The following PABIR1 variants were observed in gnomAD, a reference collection of about 807,000 sequenced individuals.
The protein encoded by PABIR1 is PP2A Aalpha (PPP2R1A) and B55A (PPP2R2A) interacting phosphatase regulator 1.
In PABIR1, 2 loss-of-function variants were observed where a neutral mutation model predicts 14.6. That is an observed-to-expected ratio of 0.14 (90% CI 0.06 to 0.43). The LOEUF (loss-of-function observed/expected upper bound fraction) is 0.43. PABIR1 is among the 20% of genes least tolerant of loss of function. The probability of loss-of-function intolerance (pLI) is 0.99; values close to 1 mark genes in which losing one functional copy is unlikely to be tolerated. For synonymous variants in PABIR1, 163 were observed against 155.4 expected (o/e 1.05, Z -0.36); for missense variants, 294 against 379.0 (o/e 0.78, Z 1.86).
Position 68,780,969 on chromosome 9 carries a change from G to T in PABIR1, c.805G>T (p.Val269Leu), listed in dbSNP as rs771661173. 6.2e-7 allele frequency: 1 copy of T among 1,614,192 alleles called. No homozygotes were observed. Among genetic ancestry groups the T allele is most frequent in the South Asian group, 1.1e-5 (1 of 91,084 alleles). The change falls in exon 1 of 1, where the codon GTG (valine) becomes TTG (leucine). Residue 269 changes from valine (V) to leucine (L), a missense_variant. This residue lies in a region of PABIR1 where 95 missense variants were observed against 100.8 expected (regional missense o/e 0.94). Coordinates refer to ENST00000394264, the MANE Select transcript of PABIR1 (RefSeq NM_138333.5). ...AGTCAGCACTACCACCGACTCTCCT[G>T]TGTCACCTGCCCAAGCGGCTTCTCC... Reference protein sequence around the residue: ...AKVSTTTDSPVSPAQAASPFI... With the variant: ...AKVSTTTDSPLSPAQAASPFI...
At position 68,785,373 on chromosome 9, in the gene PABIR1, CT is replaced by C. The variant is rs1426390590; in HGVS notation, c.*4346del. On this transcript the variant is annotated 3_prime_UTR_variant, in exon 1 of 1. Coordinates refer to ENST00000394264, the MANE Select transcript of PABIR1 (RefSeq NM_138333.5). Reference sequence around the variant, plus strand: ...GCAGTTTTGCCCACATTTTTCATGGCTGTTAGAGAATCAGGGCTGAAGGCAA... The same window carrying C: ...GCAGTTTTGCCCACATTTTTCATGGCGTTAGAGAATCAGGGCTGAAGGCAA... Among the ~76,000 whole-genome samples, 1 of 152,142 alleles carries C rather than the reference CT, an allele frequency of 6.6e-6. No homozygotes were observed. Among genetic ancestry groups the C allele is most frequent in the Non-Finnish European group, 1.5e-5 (1 of 68,026 alleles).
rs1333818968 is a variant in PABIR1 at position 68,780,383 on chromosome 9, G to C, written c.219G>C (p.Leu73=). The C allele has an allele frequency of 6.2e-7, 1 of 1,613,584 alleles. No homozygotes were observed. ...TCCCGAGCCGCCACGGCCTGCTGCT[G>C]CCGGCCTCCCCTGTCCGCATGCACA... ...TTFPSRHGLL[L]PASPVRMHSS... is the part of the protein sequence containing the mutation. Residue 73 remains leucine, a synonymous_variant, in exon 1 of 1, where the codon CTG becomes CTC. Coordinates refer to ENST00000394264, the MANE Select transcript of PABIR1 (RefSeq NM_138333.5).
rs1587443645 is a variant in PABIR1 at position 68,784,355 on chromosome 9, T to C, written c.*3327T>C. On this transcript the variant is annotated 3_prime_UTR_variant, in exon 1 of 1. Coordinates refer to ENST00000394264, the MANE Select transcript of PABIR1 (RefSeq NM_138333.5). ...TTTGTCATACTTAATAAACCTCTGG[T>C]ATATTTTCCTTTATTATGCTTGTTA... 1 of 167,238 alleles carries C rather than the reference T, an allele frequency of 6.0e-6. No homozygotes were observed. The highest frequency in any genetic ancestry group is 1.9e-4 in the East Asian group (1 of 5,198). The allele number at this position is 167,238 out of a possible 1,614,324, so 10.4% of individuals were successfully genotyped here. A position where few individuals can be genotyped will look rare whatever the true frequency, so the allele number is the denominator to read the frequency against.
chr9:68,782,345 A>C lies in PABIR1; in HGVS notation c.*1317A>C, dbSNP rs1831337606. 6.0e-6 allele frequency: 1 copy of C among 167,094 alleles called. No homozygotes were observed. The highest frequency in any genetic ancestry group is 1.5e-5 in the Non-Finnish European group (1 of 68,128). 10.4% of individuals were successfully genotyped at this position (167,094 alleles called of 1,614,324 possible). A position where few individuals can be genotyped will look rare whatever the true frequency, so the allele number is the denominator to read the frequency against. On this transcript the variant is annotated 3_prime_UTR_variant, in exon 1 of 1. Coordinates refer to ENST00000394264, the MANE Select transcript of PABIR1 (RefSeq NM_138333.5). ...CATTATTTAACTTAGGTTTTCCTAA[A>C]GTTAGAATAGTCGAATGTTCTTTTC... is the stretch of plus-strand genomic sequence containing the variant.
chr9:68,780,245 C>G lies in PABIR1; in HGVS notation c.81C>G (p.Gly27=). The G allele has an allele frequency of 6.5e-7, 1 of 1,542,440 alleles. No homozygotes were observed. Among genetic ancestry groups the G allele is most frequent in the Non-Finnish European group, 8.7e-7 (1 of 1,150,404 alleles). Residue 27 remains glycine (G), a synonymous_variant, in exon 1 of 1, where the codon GGC becomes GGG. Coordinates refer to ENST00000394264, the MANE Select transcript of PABIR1 (RefSeq NM_138333.5). ...GCCCGGCGGAGGGCGGTGGCAGCGG[C>G]GGCGGCGGGGGCCTCAGGAGGTCTA... ...GGSPAEGGGS[G]GGGGLRRSNS...
In PABIR1 at chr9:68,780,432, C is replaced by G; in HGVS notation, c.268C>G (p.Gln90Glu). 1 of 1,614,144 alleles carries G rather than the reference C, an allele frequency of 6.2e-7. No individual in the cohort carries two copies. Among genetic ancestry groups the G allele is most frequent in the Middle Eastern group, 1.6e-4 (1 of 6,062 alleles). ...MHSSRLHQIK[Q>E]EEGMDLINRE... is the part of the protein sequence containing the mutation. ...CAGCAGCCGCTTGCACCAGATCAAA[C>G]AAGAAGAGGGCATGGACTTGATCAA... The change falls in exon 1 of 1, where the codon CAA becomes GAA. Residue 90 changes from glutamine to glutamate, a missense_variant. Physicochemically the swap from Gln to Glu is conservative, Grantham distance 29 (BLOSUM62 2). Around this residue, in one of 3 missense-constraint regions of PABIR1, gnomAD observed 103 missense variants for 175.9 expected, o/e 0.59. Coordinates refer to ENST00000394264, the MANE Select transcript of PABIR1 (RefSeq NM_138333.5).
In PABIR1 at chr9:68,780,730, G is replaced by C. The variant is rs956273290; in HGVS notation, c.566G>C (p.Ser189Thr). ...TTRFTTRRSQ[S>T]PINCIRPSVL... is the part of the protein sequence containing the mutation. ...CGATTTACCACCCGGAGAAGCCAGA[G>C]CCCCATCAATTGCATTAGACCAAGT... The change falls in exon 1 of 1, where the codon AGC (serine) becomes ACC (threonine). Residue 189 changes from serine to threonine, a missense_variant. By Grantham distance (58) the Ser-to-Thr change is moderately conservative. Coordinates refer to ENST00000394264, the MANE Select transcript of PABIR1 (RefSeq NM_138333.5). 3 of 1,614,102 alleles carry C rather than the reference G, an allele frequency of 1.9e-6. No homozygotes were observed. Among genetic ancestry groups the C allele is most frequent in the Non-Finnish European group, 2.5e-6 (3 of 1,180,046 alleles).
At position 68,782,119 on chromosome 9, in the gene PABIR1, C is replaced by T. The variant is rs928385386; in HGVS notation, c.*1091C>T. The stretch of plus-strand genomic sequence containing the variant: ...TTTCCTTGCCAACAGGTCCCTTCCT[C>T]TCCATCTCCCACCAAACTAGGGCAC... On this transcript the variant is annotated 3_prime_UTR_variant, in exon 1 of 1. Transcript: ENST00000394264. The T allele has an allele frequency of 1.8e-5, 3 of 167,084 alleles. No homozygotes were observed. The highest frequency in any genetic ancestry group is 4.4e-5 in the Non-Finnish European group (3 of 68,124). 10.4% of individuals were successfully genotyped at this position (167,084 alleles called of 1,614,324 possible).
In PABIR1 at chr9:68,780,699, A is replaced by G. The variant is rs1342105020; in HGVS notation, c.535A>G (p.Thr179Ala). 3 of 1,614,210 alleles carry G rather than the reference A, an allele frequency of 1.9e-6. No individual in the cohort carries two copies. The highest frequency in any genetic ancestry group is 2.2e-5 in the South Asian group (2 of 91,084). ...GLPPSPIPSP[T>A]TRFTTRRSQS... is the part of the protein sequence containing the mutation. The stretch of plus-strand genomic sequence containing the variant: ...GCCTCCAAGCCCTATTCCCAGCCCA[A>G]CGACCCGATTTACCACCCGGAGAAG... Residue 179 changes from threonine (T) to alanine (A), a missense_variant, in exon 1 of 1, where the codon ACG (threonine) becomes GCG (alanine). This residue lies in a region of PABIR1 where 103 missense variants were observed against 175.9 expected (regional missense o/e 0.59). Transcript: ENST00000394264.
rs145921667 is a variant in PABIR1 at position 68,780,598 on chromosome 9, C to T, written c.434C>T (p.Ala145Val). ...KRIDFIPVSP[A>V]PSPTRGIGKQ... ...ATCGATTTCATTCCTGTGTCACCAGCACCGTCACCCACTCGGGGAATTGGG... is the reference window on the plus strand; with the variant it reads ...ATCGATTTCATTCCTGTGTCACCAGTACCGTCACCCACTCGGGGAATTGGG... Residue 145 changes from alanine (A) to valine (V), a missense_variant, in exon 1 of 1, where the codon GCA (alanine) becomes GTA (valine). Around this residue, in one of 3 missense-constraint regions of PABIR1, gnomAD observed 103 missense variants for 175.9 expected, o/e 0.59. Transcript: ENST00000394264. 1.2e-6 allele frequency: 2 copies of T among 1,614,228 alleles called. No homozygotes were observed. Among genetic ancestry groups the T allele is most frequent in the Non-Finnish European group, 1.7e-6 (2 of 1,180,042 alleles).
rs1282743471 is a variant in PABIR1, at chr9:68,782,199, CTG to C, written c.*1174_*1175del. ...TGGGTTTCTGACAGCAACAACAGGACTGTGAATTGTTTAACCTCTGTGGTTAA... is the reference window on the plus strand; with the variant it reads ...TGGGTTTCTGACAGCAACAACAGGACTGAATTGTTTAACCTCTGTGGTTAA... On this transcript the variant is annotated 3_prime_UTR_variant, in exon 1 of 1. Transcript: ENST00000394264. 9 of 167,034 alleles carry C rather than the reference CTG, an allele frequency of 5.4e-5. No homozygotes were observed. In the East Asian group the frequency reaches 1.7e-3, roughly 32 times the overall value. 10.3% of individuals were successfully genotyped at this position (167,034 alleles called of 1,614,324 possible). A position where few individuals can be genotyped will look rare whatever the true frequency, so the allele number is the denominator to read the frequency against.
At position 68,780,961 on chromosome 9, in the gene PABIR1, A is replaced by G; in HGVS notation, c.797A>G (p.Asp266Gly). The G allele has an allele frequency of 1.2e-6, 2 of 1,613,714 alleles. No individual in the cohort carries two copies. Among genetic ancestry groups the G allele is most frequent in the Non-Finnish European group, 1.7e-6 (2 of 1,179,916 alleles). Residue 266 changes from aspartate to glycine, a missense_variant, in exon 1 of 1, where the codon GAC becomes GGC. Asp to Gly is a moderately conservative substitution (Grantham distance 94, BLOSUM62 -1). Around this residue, in one of 3 missense-constraint regions of PABIR1, gnomAD observed 95 missense variants for 100.8 expected, o/e 0.94. Coordinates refer to ENST00000394264, the MANE Select transcript of PABIR1 (RefSeq NM_138333.5). Reference protein sequence around the residue: ...NSPAKVSTTTDSPVSPAQAAS... With the variant: ...NSPAKVSTTTGSPVSPAQAAS... ...CCAGCGAAAGTCAGCACTACCACCG[A>G]CTCTCCTGTGTCACCTGCCCAAGCG...
chr9:68,780,977 T>C lies in PABIR1; in HGVS notation c.813T>C (p.Pro271=). 6.2e-7 allele frequency: 1 copy of C among 1,614,220 alleles called. No homozygotes were observed. Among genetic ancestry groups the C allele is most frequent in the Non-Finnish European group, 8.5e-7 (1 of 1,180,038 alleles). ...VSTTTDSPVS[P]AQAASPFIPL... Reference sequence around the variant, plus strand: ...CTACCACCGACTCTCCTGTGTCACCTGCCCAAGCGGCTTCTCCATTTATTC... The same window carrying C: ...CTACCACCGACTCTCCTGTGTCACCCGCCCAAGCGGCTTCTCCATTTATTC... The change falls in exon 1 of 1, where the codon CCT becomes CCC. Residue 271 remains proline, a synonymous_variant. Transcript: ENST00000394264.
rs575711149 is a variant in PABIR1, at chr9:68,780,491, C to T, written c.327C>T (p.Thr109=). 9 of 1,614,196 alleles carry T rather than the reference C, an allele frequency of 5.6e-6. No individual in the cohort carries two copies. Among genetic ancestry groups the T allele is most frequent in the African/African-American group, 1.3e-5 (1 of 75,046 alleles). The change falls in exon 1 of 1, where the codon ACC becomes ACT. Residue 109 remains threonine (T), a synonymous_variant. Coordinates refer to ENST00000394264, the MANE Select transcript of PABIR1 (RefSeq NM_138333.5). ...CGGTCCACGAACGGGAGGTGCAGAC[C>T]GCAATGCAGATAAGCCACTCCTGGG... The part of the protein sequence containing the change: ...RETVHEREVQ[T]AMQISHSWEE...
Position 68,780,509 on chromosome 9 carries a change from C to T in PABIR1, c.345C>T (p.His115=). ...TGCAGACCGCAATGCAGATAAGCCA[C>T]TCCTGGGAGGAAAGTTTCAGCCTGA... ...REVQTAMQIS[H]SWEESFSLSD... The change falls in exon 1 of 1, where the codon CAC becomes CAT. Residue 115 remains histidine (H), a synonymous_variant. Coordinates refer to ENST00000394264, the MANE Select transcript of PABIR1 (RefSeq NM_138333.5). The T allele has an allele frequency of 6.2e-7, 1 of 1,614,238 alleles. No homozygotes were observed. The highest frequency in any genetic ancestry group is 2.2e-5 in the East Asian group (1 of 44,874).
Position 68,785,237 on chromosome 9 carries a change from A to G in PABIR1, c.*4209A>G, listed in dbSNP as rs1349414203. 6.6e-6 allele frequency among the ~76,000 whole-genome samples: 1 copy of G among 152,176 alleles called. No individual in the cohort carries two copies. The highest frequency in any genetic ancestry group is 2.4e-5 in the African/African-American group (1 of 41,426). On this transcript the variant is annotated 3_prime_UTR_variant, in exon 1 of 1. Transcript: ENST00000394264. Reference sequence around the variant, plus strand: ...TGAATGATTGGCTGAGGCATTGAGGATAAGAGAAGGGAGCAGAGGCTTATG... The same window carrying G: ...TGAATGATTGGCTGAGGCATTGAGGGTAAGAGAAGGGAGCAGAGGCTTATG...
Position 68,780,075 on chromosome 9 carries a change from T to TGGCGGCGGC in PABIR1, c.-89_-81dup, listed in dbSNP as rs1831155598. The TGGCGGCGGC allele has an allele frequency of 2.8e-6, 4 of 1,427,942 alleles. No individual in the cohort carries two copies. Among genetic ancestry groups the TGGCGGCGGC allele is most frequent in the African/African-American group, 3.0e-5 (2 of 67,642 alleles). 88.5% of individuals were successfully genotyped at this position (1,427,942 alleles called of 1,614,324 possible). A position where few individuals can be genotyped will look rare whatever the true frequency, so the allele number is the denominator to read the frequency against. The stretch of plus-strand genomic sequence containing the variant: ...GGCCAGCCCGCTGACAGATTCTCGG[T>TGGCGGCGGC]GGCGGCGGCAGCGGCGGCGGCCCTG... On this transcript the variant is annotated 5_prime_UTR_variant, in exon 1 of 1. Coordinates refer to ENST00000394264, the MANE Select transcript of PABIR1 (RefSeq NM_138333.5).
Position 68,781,156 on chromosome 9 carries a change from T to A in PABIR1, c.*128T>A. 3.2e-6 allele frequency: 4 copies of A among 1,234,544 alleles called. No homozygotes were observed. Among genetic ancestry groups the A allele is most frequent in the Non-Finnish European group, 4.5e-6 (4 of 881,824 alleles). The allele number at this position is 1,234,544 out of a possible 1,614,324, so 76.5% of individuals were successfully genotyped here. A position where few individuals can be genotyped will look rare whatever the true frequency, so the allele number is the denominator to read the frequency against. On this transcript the variant is annotated 3_prime_UTR_variant, in exon 1 of 1. Transcript: ENST00000394264. ...ACCCCTTTTCTTTTTTGAAATTCCC[T>A]GAAATGATGTTATTCTAGAGAACTT...
chr9:68,781,159 A>G lies in PABIR1; in HGVS notation c.*131A>G. ...CCTTTTCTTTTTTGAAATTCCCTGA[A>G]ATGATGTTATTCTAGAGAACTTCTA... On this transcript the variant is annotated 3_prime_UTR_variant, in exon 1 of 1. Transcript: ENST00000394264. 2 of 1,230,946 alleles carry G rather than the reference A, an allele frequency of 1.6e-6. No individual in the cohort carries two copies. Among genetic ancestry groups the G allele is most frequent in the East Asian group, 4.7e-5 (2 of 42,554 alleles). The allele number at this position is 1,230,946 out of a possible 1,614,324, so 76.3% of individuals were successfully genotyped here.
Sources: gnomAD v4.1 joint callset for allele counts (sites outside exome capture counted in the v4.1 genomes callset) on GRCh38, gnomAD v4.1.1 for gene constraint, gnomAD v4.1.1 regional missense constraint, MANE v1.5 for transcripts, NCBI Gene and HGNC (gene_info 2026-07-23, HGNC 2026-07-21) for gene names.